Variants in SRBD1 observed in about 807,000 individuals in gnomAD.
SRBD1 encodes S1 RNA binding domain 1, also known as S1 RNA-binding domain-containing protein 1.
SRBD1 carries 88 observed loss-of-function variants against 115.3 expected under a neutral mutation model. That is an observed-to-expected ratio of 0.76 (90% CI 0.64 to 0.91). SRBD1 has a LOEUF of 0.91. SRBD1 is among the 40% of genes least tolerant of loss of function. The pLI is 0.00. For missense variants in SRBD1, 1,385 were observed against 1,177.4 expected (o/e 1.18, Z -2.58); for synonymous variants, 509 against 407.7 (o/e 1.25, Z -2.99).
At chr2:45,595,406 C>A (rs185239204) in intron 4 of SRBD1, among the ~76,000 whole-genome samples, 1 of 152,194 alleles carries the variant, frequency 6.6e-6, no homozygotes. Flanking sequence ...AGTTTCACAA[C>A]CATTCCTTGC....
intron 19 of SRBD1, among the ~76,000 whole-genome samples, chr2:45,405,450 G>A (rs1667404847): frequency 6.6e-6 from 1 of 152,154 alleles, no homozygotes; most frequent in Non-Finnish European, 1.5e-5. Context: ...CCATTGCTAA[G>A]ATATTCATGA....
chr2:45,414,093 C>G (rs563254913), intron 18 of SRBD1, among the ~76,000 whole-genome samples: 1 of 152,130 alleles, frequency 6.6e-6, no homozygotes, highest in African/African-American at 2.4e-5. Context: ...AGATTTCTCA[C>G]TGGCAAACAT....
chr2:45,546,056 A>T, intron 14 of SRBD1: 1 of 624,262 alleles, frequency 1.6e-6, no homozygotes, highest in Non-Finnish European at 2.0e-6. Flanking sequence ...TCTCTCCTAG[A>T]ATTAAATCCT....
intron 12 of SRBD1, among the ~76,000 whole-genome samples, chr2:45,550,386 C>T (rs747161306): frequency 6.6e-6 from 1 of 150,938 alleles, no homozygotes; most frequent in Non-Finnish European, 1.5e-5. Context: ...AACTGAGAAA[C>T]ACAAAGAGAA....
At chr2:45,591,341 T>C (rs1401911166) in intron 4 of SRBD1, among the ~76,000 whole-genome samples, 1 of 152,134 alleles carries the variant, frequency 6.6e-6, no homozygotes, top group African/African-American at 2.4e-5. Context: ...ACCTAACCAA[T>C]CAGCACTCCT....
chr2:45,538,154 T>C (rs1037860495), intron 14 of SRBD1, among the ~76,000 whole-genome samples: 1 of 152,132 alleles, frequency 6.6e-6, no homozygotes, highest in African/African-American at 2.4e-5. Context: ...CCAAAGAAGA[T>C]ATCAGCTACA....
chr2:45,579,816 T>G, intron 7 of SRBD1, 59 bp downstream of exon 7: 1 of 1,457,330 alleles, frequency 6.9e-7, no homozygotes. Flanking sequence ...TAACATACGT[T>G]TTTAAATTAA....
chr2:45,517,595 A>G (rs1004433547), intron 14 of SRBD1, among the ~76,000 whole-genome samples: 5 of 152,108 alleles, frequency 3.3e-5, no homozygotes, highest in African/African-American at 1.2e-4. Flanking sequence ...TTAACTCTCA[A>G]CTCAGTCTCT....
chr2:45,597,923 T>C lies in SRBD1; in HGVS notation c.648+1526A>G, dbSNP rs146080253. On this transcript the variant is annotated intron_variant, in intron 4 of 20. Transcript: ENST00000263736. Reference sequence around the variant, plus strand: ...TTACCAAGTCTCAAAGACCAGAGACTTCACAGTCTAAAACTTCTTAACTTC... The same window carrying C: ...TTACCAAGTCTCAAAGACCAGAGACCTCACAGTCTAAAACTTCTTAACTTC... 2.1e-3 allele frequency among the ~76,000 whole-genome samples: 314 copies of C among 152,298 alleles called. 9 individuals carry two copies. In the East Asian group the frequency reaches 0.041, roughly 20 times the overall value.
chr2:45,546,497 C>T (rs576305436), intron 14 of SRBD1: 33 of 397,072 alleles, frequency 8.3e-5, no homozygotes, highest in African/African-American at 6.5e-4. Flanking sequence ...TGAGCCCTAA[C>T]GTGCTGCTTC....
chr2:45,557,426 C>T (rs544803341), intron 10 of SRBD1, among the ~76,000 whole-genome samples: 2 of 152,172 alleles, frequency 1.3e-5, no homozygotes, highest in Non-Finnish European at 1.5e-5. Flanking sequence ...CCTACCCATA[C>T]CCTCTCAAAC....
At chr2:45,512,649 G>A (rs549356911) in intron 14 of SRBD1, among the ~76,000 whole-genome samples, 47 of 152,040 alleles carry the variant, frequency 3.1e-4, no homozygotes, top group Non-Finnish European at 5.6e-4. Flanking sequence ...ATCTTAAACT[G>A]AATTTTTATA....
At chr2:45,438,622 T>C (rs2103699895) in intron 16 of SRBD1, among the ~76,000 whole-genome samples, 1 of 145,370 alleles carries the variant, frequency 6.9e-6, no homozygotes, top group Middle Eastern at 3.5e-3. Context: ...AGTAGAAAAA[T>C]AAATAAATCA....
chr2:45,456,375 C>G (rs1037889073), intron 16 of SRBD1, among the ~76,000 whole-genome samples: 1 of 151,834 alleles, frequency 6.6e-6, no homozygotes, highest in African/African-American at 2.4e-5. Context: ...GGTCAAATGT[C>G]CAGCAAGTAA....
At chr2:45,536,703 T>G (rs929239319) in intron 14 of SRBD1, among the ~76,000 whole-genome samples, 22 of 152,280 alleles carry the variant, frequency 1.4e-4, no homozygotes, top group African/African-American at 5.3e-4. Context: ...AGTACATTTG[T>G]CCAGCTTACA....
chr2:45,476,947 C>T (rs1669821561), intron 16 of SRBD1, 46 bp downstream of exon 16: 15 of 1,555,734 alleles, frequency 9.6e-6, no homozygotes, highest in Non-Finnish European at 1.2e-5. Context: ...AGTACTGCTC[C>T]TTGTATTGAT....
At chr2:45,451,483 A>G (rs185791204) in intron 16 of SRBD1, among the ~76,000 whole-genome samples, 46 of 152,214 alleles carry the variant, frequency 3.0e-4, no homozygotes, top group African/African-American at 1.0e-3. Context: ...ACTAGGTATG[A>G]CATACTATCA....
chr2:45,452,795 G>T (rs908020303), intron 16 of SRBD1, among the ~76,000 whole-genome samples: 2 of 151,784 alleles, frequency 1.3e-5, no homozygotes, highest in Non-Finnish European at 2.9e-5. Context: ...TTGTGGTGGG[G>T]GGGCGTAAGT....
At chr2:45,473,875 GA>G (rs1669725144) in intron 16 of SRBD1, among the ~76,000 whole-genome samples, 1 of 152,144 alleles carries the variant, frequency 6.6e-6, no homozygotes, top group Admixed American at 6.5e-5. Flanking sequence ...TTACTTCTGT[GA>G]TTATAACTCC....
Sources: gnomAD v4.1 joint callset for allele counts (sites outside exome capture counted in the v4.1 genomes callset) on GRCh38, gnomAD v4.1.1 for gene constraint, MANE v1.5 for transcripts, NCBI Gene and HGNC (gene_info 2026-07-23, HGNC 2026-07-21) for gene names.